CASP8: variants seen among roughly 807,000 people sequenced by gnomAD.
CASP8 encodes the protein caspase 8.
CASP8 carries 24 observed loss-of-function variants against 46.3 expected under a neutral mutation model. The observed-to-expected ratio is 0.52, with a 90% CI of 0.38 to 0.73. The LOEUF (loss-of-function observed/expected upper bound fraction) is 0.73. Ranked by LOEUF, CASP8 falls within the 30% of genes least tolerant of loss-of-function variation. The pLI is 0.00. For missense variants in CASP8, 460 were observed against 559.0 expected (o/e 0.82, Z 1.79); for synonymous variants, 188 against 200.4 (o/e 0.94, Z 0.52).
At chr2:201,246,002 GGA>G (rs1946501563) in intron 2 of CASP8, among the ~76,000 whole-genome samples, 2 of 151,876 alleles carry the variant, frequency 1.3e-5, no homozygotes, top group African/African-American at 4.8e-5. Flanking sequence ...CAAGTAGCTG[GGA>G]TTACAGGCAT....
At chr2:201,278,697 C>T (rs1158496612) in intron 7 of CASP8, among the ~76,000 whole-genome samples, 1 of 152,046 alleles carries the variant, frequency 6.6e-6, no homozygotes, top group Non-Finnish European at 1.5e-5. Context: ...CCACCATACC[C>T]AGTTAATTGT....
At chr2:201,247,684 G>C (rs1270734199) in intron 2 of CASP8, among the ~76,000 whole-genome samples, 1 of 148,654 alleles carries the variant, frequency 6.7e-6, no homozygotes, top group Admixed American at 6.7e-5. Context: ...TCGCTCTGTT[G>C]CCCAGGCTGG....
intron 7 of CASP8, among the ~76,000 whole-genome samples, chr2:201,279,953 A>G (rs1351722324): frequency 6.6e-6 from 1 of 152,160 alleles, no homozygotes; most frequent in African/African-American, 2.4e-5. Flanking sequence ...ACTCCATCTC[A>G]AATAAATAAA....
At chr2:201,268,974 C>T (rs1436140755) in intron 2 of CASP8, among the ~76,000 whole-genome samples, 1 of 144,176 alleles carries the variant, frequency 6.9e-6, no homozygotes, top group Non-Finnish European at 1.5e-5. Context: ...TGTCTCACTA[C>T]ATCGCCCAAG....
intron 7 of CASP8, among the ~76,000 whole-genome samples, chr2:201,283,723 TG>T (rs1949329289): frequency 1.3e-5 from 1 of 74,378 alleles, no homozygotes; most frequent in Non-Finnish European, 3.3e-5. Context: ...ACGGGGCGGC[TG>T]GCCGGGCAGA....
chr2:201,274,798 AC>A, intron 5 of CASP8, 90 bp from the exon 6 acceptor site: 1 of 1,013,266 alleles, frequency 9.9e-7, no homozygotes, highest in Non-Finnish European at 1.5e-6. Context: ...CTTAAAAAAG[AC>A]CTTATGTTGT....
chr2:201,275,802 C>T (rs1948594167), intron 6 of CASP8, among the ~76,000 whole-genome samples: 1 of 152,126 alleles, frequency 6.6e-6, no homozygotes. Context: ...TCTCGAACTC[C>T]TGGCCTCAAG....
chr2:201,271,446 G>A, intron 2 of CASP8, 70 bp from the exon 3 acceptor site: 2 of 935,268 alleles, frequency 2.1e-6, no homozygotes, highest in East Asian at 2.4e-5. Context: ...CAAGCCCACT[G>A]TGACTCCATA....
chr2:201,260,574 G>C lies in CASP8; in HGVS notation c.-66G>C. 1 of 985,224 alleles carries C rather than the reference G, an allele frequency of 1.0e-6. No homozygotes were observed. Among genetic ancestry groups the C allele is most frequent in the Non-Finnish European group, 1.2e-6 (1 of 829,708 alleles). The allele number at this position is 985,224 out of a possible 1,614,324, so 61.0% of individuals were successfully genotyped here. Reference sequence around the variant, plus strand: ...TGTCTTAGATGCTCAGATGGTAGTGGATAGGCCTGTGACGAAGGTGCTACC... The same window carrying C: ...TGTCTTAGATGCTCAGATGGTAGTGCATAGGCCTGTGACGAAGGTGCTACC... On this transcript the variant is annotated 5_prime_UTR_variant, in exon 1 of 9. Transcript: ENST00000673742.
chr2:201,255,911 A>C (rs1384914026), upstream of CASP8, among the ~76,000 whole-genome samples: 2 of 152,132 alleles, frequency 1.3e-5, no homozygotes, highest in Non-Finnish European at 2.9e-5. Flanking sequence ...GCATGCCACC[A>C]TAACTGACTA....
At chr2:201,258,816 G>C (rs945686630), upstream of CASP8, among the ~76,000 whole-genome samples, 2 of 151,986 alleles carry the variant, frequency 1.3e-5, no homozygotes, top group South Asian at 2.1e-4. Flanking sequence ...CCCCTCTTCC[G>C]TGTCTGAAGG....
intron 8 of CASP8, 123 bp downstream of exon 8, chr2:201,285,440 C>G (rs1949512102): frequency 4.1e-6 from 5 of 1,219,054 alleles, no homozygotes; most frequent in Non-Finnish European, 6.0e-6. Context: ...ATCACATTAA[C>G]AGGTCAGAGA....
intron 2 of CASP8, among the ~76,000 whole-genome samples, chr2:201,267,712 T>G (rs1293001411): frequency 6.6e-6 from 1 of 152,212 alleles, no homozygotes; most frequent in Admixed American, 6.5e-5. Flanking sequence ...CTTAAAGCAA[T>G]TTTAGCTTTG....
intron 2 of CASP8, among the ~76,000 whole-genome samples, chr2:201,236,155 TCGTATGC>T (rs1946038423): frequency 6.6e-6 from 1 of 152,218 alleles, no homozygotes; most frequent in African/African-American, 2.4e-5. Context: ...CCAAAATATT[TCGTATGC>T]CCTCTTGAAT....
upstream of CASP8, among the ~76,000 whole-genome samples, chr2:201,259,013 T>C (rs1462822001): frequency 2.0e-5 from 3 of 152,214 alleles, no homozygotes; most frequent in Non-Finnish European, 4.4e-5. Context: ...CCTCTGTGCC[T>C]CTGTTATCTC....
chr2:201,276,459 T>C (rs977364319), intron 6 of CASP8, among the ~76,000 whole-genome samples: 1 of 152,214 alleles, frequency 6.6e-6, no homozygotes, highest in Non-Finnish European at 1.5e-5. Flanking sequence ...CAGTGACTCT[T>C]GATTGAGCTC....
chr2:201,250,873 C>T (rs1023397336), intron 2 of CASP8, among the ~76,000 whole-genome samples: 13 of 152,188 alleles, frequency 8.5e-5, no homozygotes, highest in Non-Finnish European at 1.6e-4. Flanking sequence ...AGAACCGTTA[C>T]AATATTGTAC....
At chr2:201,273,243 G>C (rs921989315) in intron 5 of CASP8, among the ~76,000 whole-genome samples, 1 of 152,046 alleles carries the variant, frequency 6.6e-6, no homozygotes, top group Non-Finnish European at 1.5e-5. Context: ...ATTTTTATTA[G>C]AGATGGGGTT....
At position 201,273,439 on chromosome 2, in the gene CASP8, C is replaced by G. The variant is rs554296509; in HGVS notation, c.595+497C>G. Among the ~76,000 whole-genome samples, 17 of 152,278 alleles carry G rather than the reference C, an allele frequency of 1.1e-4. No individual in the cohort carries two copies. The South Asian group carries it at 3.5e-3, about 32-fold the overall frequency. On this transcript the variant is annotated intron_variant, in intron 5 of 8. Coordinates refer to ENST00000673742, the MANE Select transcript of CASP8 (RefSeq NM_001372051.1). ...AGTTAGTCAGTAGTAAGTAATTTAA[C>G]ATCATTTTTTCTATGTGGCTTTTTT...
Sources: gnomAD v4.1 joint callset for allele counts (sites outside exome capture counted in the v4.1 genomes callset) on GRCh38, gnomAD v4.1.1 for gene constraint, MANE v1.5 for transcripts, NCBI Gene and HGNC (gene_info 2026-07-23, HGNC 2026-07-21) for gene names.